The following OR3A2 variants were observed in gnomAD, a reference collection of about 807,000 sequenced individuals.
The protein encoded by OR3A2 is olfactory receptor family 3 subfamily A member 2, also known as olfactory receptor 3A2.
For missense variants in OR3A2, 318 were observed against 392.8 expected, an observed-to-expected ratio of 0.81 and a Z score of 1.61; for synonymous variants, 126 against 159.3, an observed-to-expected ratio of 0.79 and a Z score of 1.57.
intron 3 of OR3A2, among the ~76,000 whole-genome samples, chr17:3,312,750 G>A (rs887266889): frequency 1.3e-5 from 2 of 152,070 alleles, no homozygotes; most frequent in Non-Finnish European, 2.9e-5. Context: ...TTAGCCTCCC[G>A]ATAGCTGGGA....
chr17:3,278,145 C>A (rs969595927), exon 2 of OR3A2: 3 of 1,614,136 alleles, frequency 1.9e-6, no homozygotes, highest in African/African-American at 1.3e-5. Context: ...GTTGAAGATA[C>A]CTCTTCCAAA....
Position 3,295,604 on chromosome 17 carries a change from T to A in OR3A2, c.-84-16451A>T, listed in dbSNP as rs541384637. Among the ~76,000 whole-genome samples, 4 of 152,048 alleles carry A rather than the reference T, an allele frequency of 2.6e-5. No homozygotes were observed. The East Asian group carries it at 5.8e-4, about 22-fold the overall frequency. The stretch of plus-strand genomic sequence containing the variant: ...TTAGTACCAAACACACTTACAATGA[T>A]AAAGCCGAGTGGGCCAAGCTCATCT... On this transcript the variant is annotated intron_variant, in intron 3 of 4. Coordinates refer to the OR3A2 transcript ENST00000573491.
intron 2 of OR3A2, among the ~76,000 whole-genome samples, chr17:3,382,921 C>T (rs1289499258): frequency 1.3e-5 from 2 of 152,110 alleles, no homozygotes; most frequent in African/African-American, 2.4e-5. Flanking sequence ...TTCAGAGCCC[C>T]GGAACCCAGC....
chr17:3,344,546 G>C (rs927964850), intron 2 of OR3A2, among the ~76,000 whole-genome samples: 2 of 152,088 alleles, frequency 1.3e-5, no homozygotes, highest in African/African-American at 2.4e-5. Context: ...CCAGGAAAGG[G>C]ATTTCTTTGC....
At chr17:3,348,619 CAGG>C (rs2049390818) in intron 2 of OR3A2, among the ~76,000 whole-genome samples, 1 of 152,042 alleles carries the variant, frequency 6.6e-6, no homozygotes, top group African/African-American at 2.4e-5. Context: ...GGATATTATC[CAGG>C]AGAACTTCCC....
intron 3 of OR3A2, among the ~76,000 whole-genome samples, chr17:3,299,714 T>C (rs1228634815): frequency 6.6e-6 from 1 of 152,146 alleles, no homozygotes; most frequent in East Asian, 1.9e-4. Flanking sequence ...AGAAAAACAC[T>C]GACGTGGTGT....
At chr17:3,359,494 C>T (rs899508979) in intron 2 of OR3A2, among the ~76,000 whole-genome samples, 1 of 151,734 alleles carries the variant, frequency 6.6e-6, no homozygotes, top group Non-Finnish European at 1.5e-5. Context: ...TCAATATTTG[C>T]TTATCTGAAA....
chr17:3,283,949 C>G (rs993529550), intron 1 of OR3A2, among the ~76,000 whole-genome samples: 1 of 142,930 alleles, frequency 7.0e-6, no homozygotes, highest in Non-Finnish European at 1.5e-5. Context: ...CCCCACGAGG[C>G]CCACTGGGGA....
At chr17:3,372,305 T>C (rs1258654515) in intron 2 of OR3A2, among the ~76,000 whole-genome samples, 3 of 142,972 alleles carry the variant, frequency 2.1e-5, no homozygotes, top group East Asian at 2.3e-4. Context: ...CTAGATGGGA[T>C]GGCGGCCGGG....
chr17:3,309,042 A>G (rs1215332244), intron 3 of OR3A2, among the ~76,000 whole-genome samples: 1 of 152,018 alleles, frequency 6.6e-6, no homozygotes, highest in African/African-American at 2.4e-5. Flanking sequence ...AGTAGCTGGG[A>G]TTACAGGCAC....
At chr17:3,356,587 A>C (rs2049467325) in intron 2 of OR3A2, among the ~76,000 whole-genome samples, 1 of 151,534 alleles carries the variant, frequency 6.6e-6, no homozygotes, top group Admixed American at 6.6e-5. Context: ...ACCAATAATA[A>C]TAATGAGATA....
chr17:3,324,091 C>G (rs427121), intron 3 of OR3A2, among the ~76,000 whole-genome samples: 101,957 of 151,828 alleles, frequency 0.67, 35,484 homozygotes, highest in East Asian at 1. Flanking sequence ...TTCTCTTCTC[C>G]CTTCCTTTCA....
At chr17:3,343,243 C>T (rs28672301) in intron 2 of OR3A2, among the ~76,000 whole-genome samples, 2,093 of 152,332 alleles carry the variant, frequency 0.014, 35 homozygotes, top group African/African-American at 0.046. Flanking sequence ...CCTGCTTCGG[C>T]TCACCCTCTG....
chr17:3,328,542 C>G (rs907400859), intron 3 of OR3A2, among the ~76,000 whole-genome samples: 22 of 141,776 alleles, frequency 1.6e-4, no homozygotes, highest in East Asian at 1.0e-3. Context: ...AATTGAATAC[C>G]CTTTATTTCC....
rs186027483 is a variant in OR3A2 at position 3,326,411 on chromosome 17, G to A, written c.-85+9622C>T. On this transcript the variant is annotated intron_variant, in intron 3 of 4. Coordinates refer to the OR3A2 transcript ENST00000573491. The stretch of plus-strand genomic sequence containing the variant: ...CATAGGCATCGGCAAAGATTGTTGC[G>A]GGAAGTCAGGGACCCCAAATGGAGG... Among the ~76,000 whole-genome samples, 480 of 152,100 alleles carry A rather than the reference G, an allele frequency of 3.2e-3. 2 individuals are homozygous for A. Among genetic ancestry groups the A allele is most frequent in the Non-Finnish European group, 5.2e-3 (352 of 67,996 alleles).
intron 1 of OR3A2, among the ~76,000 whole-genome samples, chr17:3,281,041 T>G (rs1321873457): frequency 6.6e-6 from 1 of 152,144 alleles, no homozygotes; most frequent in Non-Finnish European, 1.5e-5. Context: ...CAGCAGTTCC[T>G]CAGCCTCTGG....
At chr17:3,306,449 A>C (rs1289499357) in intron 3 of OR3A2, among the ~76,000 whole-genome samples, 1 of 151,934 alleles carries the variant, frequency 6.6e-6, no homozygotes, top group Non-Finnish European at 1.5e-5. Context: ...AGCCACCCCC[A>C]TTTTGATGAG....
At chr17:3,332,394 T>C (rs1321687739) in intron 3 of OR3A2, among the ~76,000 whole-genome samples, 1 of 152,208 alleles carries the variant, frequency 6.6e-6, no homozygotes, top group Non-Finnish European at 1.5e-5. Context: ...CCGAGCCAGG[T>C]GCAGGATATA....
intron 3 of OR3A2, among the ~76,000 whole-genome samples, chr17:3,330,789 T>G (rs1229987335): frequency 2.0e-5 from 3 of 152,160 alleles, no homozygotes; most frequent in African/African-American, 7.2e-5. Context: ...TGTTAGTTGA[T>G]GCAGTTTCTT....
Sources: gnomAD v4.1 joint callset for allele counts (sites outside exome capture counted in the v4.1 genomes callset) on GRCh38, gnomAD v4.1.1 for gene constraint, MANE v1.5 for transcripts, NCBI Gene and HGNC (gene_info 2026-07-23, HGNC 2026-07-21) for gene names.